ZNF518B: variants seen among roughly 807,000 people sequenced by gnomAD.
ZNF518B encodes the protein zinc finger protein 518B.
In ZNF518B, 23 loss-of-function variants were observed where a neutral mutation model predicts 56.3. The observed-to-expected ratio is 0.41, with a 90% CI of 0.29 to 0.58. ZNF518B has a LOEUF of 0.58. Ranked by LOEUF, ZNF518B falls within the 20% of genes least tolerant of loss-of-function variation. The pLI is 0.32. For synonymous variants in ZNF518B, 529 were observed against 465.9 expected, an observed-to-expected ratio of 1.14 and a Z score of -1.74; for missense variants, 1,460 against 1,272.1, an observed-to-expected ratio of 1.15 and a Z score of -2.25.
At chr4:10,461,092 A>G (rs1021260979), upstream of ZNF518B, among the ~76,000 whole-genome samples, 4 of 152,270 alleles carry the variant, frequency 2.6e-5, no homozygotes, top group Non-Finnish European at 4.4e-5. Context: ...TTAAGGATGT[A>G]GAGCCCGAAT....
rs9291410 is a variant in ZNF518B, at chr4:10,444,761, C to G, written c.1568G>C (p.Ser523Thr). 1 of 1,614,006 alleles carries G rather than the reference C, an allele frequency of 6.2e-7. No homozygotes were observed. Among genetic ancestry groups the G allele is most frequent in the South Asian group, 1.1e-5 (1 of 91,068 alleles). Residue 523 changes from serine to threonine, a missense_variant, in exon 3 of 3, where the codon AGC (serine) becomes ACC (threonine). Coordinates refer to ENST00000326756, the MANE Select transcript of ZNF518B (RefSeq NM_053042.3). ...AGCAAATGGGAGTAACTGCTGTGAGCTACTGTGTAAATTTCTTCCACTTTC... is the reference window on the plus strand; with the variant it reads ...AGCAAATGGGAGTAACTGCTGTGAGGTACTGTGTAAATTTCTTCCACTTTC... Reference protein sequence around the residue: ...FAESGRNLHSSSQQLLPFAAS... With the variant: ...FAESGRNLHSTSQQLLPFAAS...
Position 10,445,281 on chromosome 4 carries a change from C to G in ZNF518B, c.1048G>C (p.Val350Leu). The G allele has an allele frequency of 3.1e-6, 5 of 1,614,058 alleles. No homozygotes were observed. The highest frequency in any genetic ancestry group is 4.2e-6 in the Non-Finnish European group (5 of 1,179,908). ...PANCLAQLID[V>L]KVVNGTQQLV... Reference sequence around the variant, plus strand: ...TGCTGTGTACCATTGACAACCTTCACATCTATCAACTGGGCTAAACAGTTT... The same window carrying G: ...TGCTGTGTACCATTGACAACCTTCAGATCTATCAACTGGGCTAAACAGTTT... Residue 350 changes from valine (V) to leucine (L), a missense_variant, in exon 3 of 3, where the codon GTG becomes CTG. Val to Leu is a conservative substitution (Grantham distance 32). Coordinates refer to ENST00000326756, the MANE Select transcript of ZNF518B (RefSeq NM_053042.3).
At position 10,445,302 on chromosome 4, in the gene ZNF518B, A is replaced by C; in HGVS notation, c.1027T>G (p.Cys343Gly). Residue 343 changes from cysteine to glycine, a missense_variant, in exon 3 of 3, where the codon TGT becomes GGT. Cys to Gly is a radical substitution (Grantham distance 159, BLOSUM62 -3). Transcript: ENST00000326756. ...TTCACATCTATCAACTGGGCTAAAC[A>C]GTTTGCAGGGACAACTAGTTCTGCT... The part of the protein sequence containing the change: ...APAELVVPAN[C>G]LAQLIDVKVV... The C allele has an allele frequency of 6.2e-7, 1 of 1,614,220 alleles. No homozygotes were observed. Among genetic ancestry groups the C allele is most frequent in the Non-Finnish European group, 8.5e-7 (1 of 1,180,022 alleles).
upstream of ZNF518B, among the ~76,000 whole-genome samples, chr4:10,460,350 T>C (rs111427728): frequency 7.6e-4 from 99 of 130,768 alleles, no homozygotes; most frequent in African/African-American, 2.5e-3. Flanking sequence ...CGACCATGTA[T>C]GAATGCCCAT....
In ZNF518B at chr4:10,439,974, GACAC is replaced by G. The variant is rs1460773254; in HGVS notation, c.*3126_*3129del. 2.0e-5 allele frequency: 3 copies of G among 152,590 alleles called. No homozygotes were observed. The highest frequency in any genetic ancestry group is 7.2e-5 in the African/African-American group (3 of 41,446). The allele number at this position is 152,590 out of a possible 1,614,324, so 9.5% of individuals were successfully genotyped here. On this transcript the variant is annotated 3_prime_UTR_variant, in exon 3 of 3. Transcript: ENST00000326756. ...AACATGTTTCAAAACCAGAGCAGCA[GACAC>G]ACAAACTGTTAACACAGGAATTACA...
chr4:10,445,121 G>C lies in ZNF518B; in HGVS notation c.1208C>G (p.Thr403Arg), dbSNP rs777051326. Residue 403 changes from threonine (T) to arginine (R), a missense_variant, in exon 3 of 3, where the codon ACA becomes AGA. By Grantham distance (71) the Thr-to-Arg change is moderately conservative. Transcript: ENST00000326756. ...ATTCCCGTCAACTGTCAGTGACTTT[G>C]TTTTTTCTGCAGAAAGTACTTTTTC... The part of the protein sequence containing the change: ...EQEKVLSAEK[T>R]KSLTVDGNVG... 2 of 1,614,100 alleles carry C rather than the reference G, an allele frequency of 1.2e-6. No homozygotes were observed. Among genetic ancestry groups the C allele is most frequent in the Non-Finnish European group, 1.7e-6 (2 of 1,179,962 alleles).
At chr4:10,461,263 G>A (rs1050501047), upstream of ZNF518B, among the ~76,000 whole-genome samples, 1 of 152,236 alleles carries the variant, frequency 6.6e-6, no homozygotes, top group Non-Finnish European at 1.5e-5. Context: ...CGTCCCAGCC[G>A]CCCTTTCCCG....
At position 10,454,957 on chromosome 4, in the gene ZNF518B, C is replaced by T. The variant is rs1418156447; in HGVS notation, c.-364G>A. On this transcript the variant is annotated 5_prime_UTR_variant, in exon 2 of 3. Transcript: ENST00000326756. ...TGGTGTAGGCTTCTACATCAGAACC[C>T]TGGGCGTCAGCAAGGCGCTGCACAA... is the stretch of plus-strand genomic sequence containing the variant. The T allele has an allele frequency of 6.6e-6, 1 of 152,250 alleles. No individual in the cohort carries two copies. The highest frequency in any genetic ancestry group is 2.1e-4 in the South Asian group (1 of 4,830). The allele number at this position is 152,250 out of a possible 1,614,324, so 9.4% of individuals were successfully genotyped here.
In ZNF518B at chr4:10,442,655, TACTC is replaced by T. The variant is rs1219219892; in HGVS notation, c.*445_*448del. On this transcript the variant is annotated 3_prime_UTR_variant, in exon 3 of 3. Transcript: ENST00000326756. ...AATATAATTTCCATTGTGCACCAAATACTCAGAACACAAATTAAAGCAAAAACAA... is the reference window on the plus strand; with the variant it reads ...AATATAATTTCCATTGTGCACCAAATAGAACACAAATTAAAGCAAAAACAA... 6.3e-6 allele frequency: 1 copy of T among 158,462 alleles called. No homozygotes were observed. Among genetic ancestry groups the T allele is most frequent in the Non-Finnish European group, 1.4e-5 (1 of 71,550 alleles). The allele number at this position is 158,462 out of a possible 1,614,324, so 9.8% of individuals were successfully genotyped here.
chr4:10,461,224 G>A (rs923295056), upstream of ZNF518B, among the ~76,000 whole-genome samples: 1 of 152,246 alleles, frequency 6.6e-6, no homozygotes, highest in Middle Eastern at 3.2e-3. Context: ...AGGGTGCCAG[G>A]CGCTGGAGCG....
chr4:10,445,699 C>G lies in ZNF518B; in HGVS notation c.630G>C (p.Lys210Asn). 2 of 1,614,170 alleles carry G rather than the reference C, an allele frequency of 1.2e-6. No individual in the cohort carries two copies. The highest frequency in any genetic ancestry group is 8.5e-7 in the Non-Finnish European group (1 of 1,180,036). ...IRNDYIVKHT[K>N]RVHERAGAKR... ...TCGCACCTGCCCTTTCATGTACTCT[C>G]TTCGTGTGTTTGACAATATAATCAT... Residue 210 changes from lysine to asparagine, a missense_variant, in exon 3 of 3, where the codon AAG (lysine) becomes AAC (asparagine). By Grantham distance (94) the Lys-to-Asn change is moderately conservative. Transcript: ENST00000326756.
chr4:10,459,774 G>A (rs1325341407), upstream of ZNF518B, among the ~76,000 whole-genome samples: 1 of 152,172 alleles, frequency 6.6e-6, no homozygotes, highest in Non-Finnish European at 1.5e-5. Context: ...AAGGCAGGGA[G>A]GATCCTCCCC....
rs768421654 is a variant in ZNF518B, at chr4:10,443,919, C to A, written c.2410G>T (p.Glu804Ter). 1 of 1,614,190 alleles carries A rather than the reference C, an allele frequency of 6.2e-7. No homozygotes were observed. The highest frequency in any genetic ancestry group is 8.5e-7 in the Non-Finnish European group (1 of 1,180,028). ...GGAACTGGTTTTATTAACTGTCTTT[C>A]ACTGCAAGGTATGCTGACAGGTGCT... ...CEAPVSIPCS[E>*]RQLIKPVPFC... The change falls in exon 3 of 3, where the codon GAA (glutamate) becomes TAA (stop). Residue 804 changes from glutamate (E) to a stop codon, truncating the protein, a stop_gained. Transcript: ENST00000326756. LOFTEE classifies it high-confidence loss of function.
Position 10,445,677 on chromosome 4 carries a change from C to T in ZNF518B, c.652G>A (p.Ala218Thr). ...GCAACAGCTTTGACTGGCCGTTTCG[C>T]ACCTGCCCTTTCATGTACTCTCTTC... ...HTKRVHERAG[A>T]KRPVKAVAKL... Residue 218 changes from alanine to threonine, a missense_variant, in exon 3 of 3, where the codon GCG (alanine) becomes ACG (threonine). Ala to Thr is a moderately conservative substitution (Grantham distance 58). Coordinates refer to ENST00000326756, the MANE Select transcript of ZNF518B (RefSeq NM_053042.3). The T allele has an allele frequency of 6.2e-7, 1 of 1,614,166 alleles. No individual in the cohort carries two copies. Among genetic ancestry groups the T allele is most frequent in the Non-Finnish European group, 8.5e-7 (1 of 1,180,028 alleles).
chr4:10,458,155 A>G (rs1032009229), upstream of ZNF518B, among the ~76,000 whole-genome samples: 2 of 152,134 alleles, frequency 1.3e-5, no homozygotes, highest in Non-Finnish European at 2.9e-5. Context: ...TCCGGAAGGA[A>G]GACATATTTA....
rs1715065071 is a variant in ZNF518B, at chr4:10,446,568, A to G, written c.-211-29T>C. On this transcript the variant is annotated intron_variant, in intron 2 of 2. Coordinates refer to ENST00000326756, the MANE Select transcript of ZNF518B (RefSeq NM_053042.3). ...AAGGAAAACAAAATTATAAAGCATG[A>G]TTAATATAAGAGTTTGGCTAAGCTA... is the stretch of plus-strand genomic sequence containing the variant. 7 of 458,492 alleles carry G rather than the reference A, an allele frequency of 1.5e-5. No homozygotes were observed. In the East Asian group the frequency reaches 2.3e-4, roughly 15 times the overall value. The allele number at this position is 458,492 out of a possible 1,614,324, so 28.4% of individuals were successfully genotyped here.
In ZNF518B at chr4:10,440,144, G is replaced by A. The variant is rs1373944893; in HGVS notation, c.*2960C>T. 1 of 152,338 alleles carries A rather than the reference G, an allele frequency of 6.6e-6. No homozygotes were observed. Among genetic ancestry groups the A allele is most frequent in the African/African-American group, 2.4e-5 (1 of 41,430 alleles). The allele number at this position is 152,338 out of a possible 1,614,324, so 9.4% of individuals were successfully genotyped here. A position where few individuals can be genotyped will look rare whatever the true frequency, so the allele number is the denominator to read the frequency against. The stretch of plus-strand genomic sequence containing the variant: ...ATATATAACATGTCCTAAAGAAAAA[G>A]GGATGGAGCTTGTGAGAAAATATAT... On this transcript the variant is annotated 3_prime_UTR_variant, in exon 3 of 3. Coordinates refer to ENST00000326756, the MANE Select transcript of ZNF518B (RefSeq NM_053042.3).
upstream of ZNF518B, among the ~76,000 whole-genome samples, chr4:10,459,552 G>A (rs75057215): frequency 0.014 from 2,160 of 152,152 alleles, 53 homozygotes; most frequent in African/African-American, 0.049. Flanking sequence ...TTGGAAACAC[G>A]GTCTTTACAG....
rs1434178212 is a variant in ZNF518B at position 10,444,533 on chromosome 4, T to A, written c.1796A>T (p.His599Leu). Residue 599 changes from histidine (H) to leucine (L), a missense_variant, in exon 3 of 3, where the codon CAT (histidine) becomes CTT (leucine). Physicochemically the swap from His to Leu is moderately conservative, Grantham distance 99. Coordinates refer to ENST00000326756, the MANE Select transcript of ZNF518B (RefSeq NM_053042.3). ...ISSQHKSEYL[H>L]INITGEDRSQ... ...TCTATCTTCTCCAGTTATGTTTATA[T>A]GTAAATACTCACTCTTATGTTGAGA... is the stretch of plus-strand genomic sequence containing the variant. 6.2e-7 allele frequency: 1 copy of A among 1,614,146 alleles called. No individual in the cohort carries two copies. Among genetic ancestry groups the A allele is most frequent in the South Asian group, 1.1e-5 (1 of 91,082 alleles).
Sources: allele counts gnomAD v4.1 joint callset (sites outside exome capture counted in the v4.1 genomes callset), GRCh38; gene constraint gnomAD v4.1.1; transcripts MANE v1.5; gene names NCBI Gene and HGNC (gene_info 2026-07-23, HGNC 2026-07-21).